The following IL1RAPL2 variants were observed in gnomAD, a reference collection of about 807,000 sequenced individuals.
IL1RAPL2 encodes the protein X-linked interleukin-1 receptor accessory protein-like 2.
IL1RAPL2 carries 3 observed loss-of-function variants against 44.1 expected under a neutral mutation model. That is an observed-to-expected ratio of 0.07 (90% confidence interval 0.03 to 0.18). The LOEUF (loss-of-function observed/expected upper bound fraction) is 0.18, where lower values mean the gene tolerates loss of function less well. IL1RAPL2 is among the 10% of genes least tolerant of loss of function. IL1RAPL2 has a pLI of 1.00. For synonymous variants in IL1RAPL2, 181 were observed against 178.8 expected (o/e 1.01, Z -0.10); for missense variants, 391 against 496.4 (o/e 0.79, Z 2.02).
intron 6 of IL1RAPL2, among the ~76,000 whole-genome samples, chrX:105,571,303 CT>C (rs2037012886): frequency 9.0e-6 from 1 of 111,307 alleles, no homozygotes; most frequent in Non-Finnish European, 1.9e-5. Context: ...AATTATAAGT[CT>C]TTTTGATAGC....
chrX:105,162,257 G>A (rs1200120331), intron 2 of IL1RAPL2, among the ~76,000 whole-genome samples: 2 of 112,004 alleles, frequency 1.8e-5, no homozygotes, highest in Non-Finnish European at 3.8e-5. Flanking sequence ...CATGACTGCT[G>A]TGAGGAAGAA....
intron 5 of IL1RAPL2, among the ~76,000 whole-genome samples, chrX:105,462,736 A>G (rs1025172385): frequency 9.0e-6 from 1 of 111,154 alleles, no homozygotes; most frequent in Non-Finnish European, 1.9e-5. Context: ...AGTTGTTTTT[A>G]ACATCAATGC....
intron 3 of IL1RAPL2, among the ~76,000 whole-genome samples, chrX:105,201,099 C>G (rs887758533): frequency 3.5e-4 from 39 of 111,611 alleles, no homozygotes; most frequent in African/African-American, 1.0e-3. Context: ...AGCATAATCC[C>G]AATATTTTTG....
chrX:104,822,565 G>T (rs183659939), intron 2 of IL1RAPL2, among the ~76,000 whole-genome samples: 3 of 111,988 alleles, frequency 2.7e-5, no homozygotes. Context: ...TTGTAGATGT[G>T]TGGTGTTATT....
intron 2 of IL1RAPL2, among the ~76,000 whole-genome samples, chrX:104,948,109 G>T (rs1925444605): frequency 9.3e-6 from 1 of 107,400 alleles, no homozygotes; most frequent in African/African-American, 3.4e-5. Context: ...GTGGTTTGTA[G>T]TTCTCCTTGA....
chrX:104,808,813 T>G (rs939495867), intron 2 of IL1RAPL2, among the ~76,000 whole-genome samples: 3 of 111,506 alleles, frequency 2.7e-5, no homozygotes, highest in African/African-American at 9.8e-5. Flanking sequence ...ACGCTGGCAG[T>G]TAGATATTTA....
chrX:105,036,402 G>A (rs925643003), intron 2 of IL1RAPL2, among the ~76,000 whole-genome samples: 3 of 111,835 alleles, frequency 2.7e-5, no homozygotes, highest in Non-Finnish European at 1.9e-5. Context: ...CTGGCTCATG[G>A]ATCAATCTCT....
At chrX:105,339,887 A>T (rs1201168982) in intron 5 of IL1RAPL2, among the ~76,000 whole-genome samples, 1 of 112,038 alleles carries the variant, frequency 8.9e-6, no homozygotes, top group Non-Finnish European at 1.9e-5. Context: ...CAGGAAATAA[A>T]GGAGTGCATT....
intron 6 of IL1RAPL2, among the ~76,000 whole-genome samples, chrX:105,531,015 A>T (rs2036631360): frequency 9.0e-6 from 1 of 111,718 alleles, no homozygotes; most frequent in Non-Finnish European, 1.9e-5. Flanking sequence ...AATCTTAGCT[A>T]TTGTGAACAG....
At chrX:104,938,542 G>A (rs1925081943) in intron 2 of IL1RAPL2, among the ~76,000 whole-genome samples, 1 of 111,244 alleles carries the variant, frequency 9.0e-6, no homozygotes, top group South Asian at 3.8e-4. Context: ...TGATAAAAAT[G>A]ACTTTGCTTC....
chrX:105,093,194 AACAC>A (rs748741070), intron 2 of IL1RAPL2, among the ~76,000 whole-genome samples: 4,194 of 107,087 alleles, frequency 0.039, 165 homozygotes, highest in African/African-American at 0.11. Flanking sequence ...CACACACAGA[AACAC>A]ACACACACAC....
At chrX:105,550,820 T>C (rs776334887) in intron 6 of IL1RAPL2, among the ~76,000 whole-genome samples, 1 of 111,759 alleles carries the variant, frequency 8.9e-6, no homozygotes, top group Non-Finnish European at 1.9e-5. Context: ...TGGTTGTCTC[T>C]ATAATGGGAT....
chrX:104,724,013 T>C (rs1194287825), intron 2 of IL1RAPL2, among the ~76,000 whole-genome samples: 1 of 111,580 alleles, frequency 9.0e-6, no homozygotes, highest in Non-Finnish European at 1.9e-5. Context: ...GAATTAGACA[T>C]AGCAGAATAG....
At chrX:105,590,069 T>C (rs987333715) in intron 6 of IL1RAPL2, among the ~76,000 whole-genome samples, 21 of 111,752 alleles carry the variant, frequency 1.9e-4, no homozygotes, top group Middle Eastern at 4.6e-3. Flanking sequence ...TGTTTTATAA[T>C]TCTCATTGTA....
chrX:105,141,733 A>G (rs753424677), intron 2 of IL1RAPL2, among the ~76,000 whole-genome samples: 1 of 112,178 alleles, frequency 8.9e-6, no homozygotes, highest in Non-Finnish European at 1.9e-5. Flanking sequence ...GTGGCATCAA[A>G]TGAATCTTAA....
At chrX:105,158,199 T>C (rs1339097090) in intron 2 of IL1RAPL2, among the ~76,000 whole-genome samples, 1 of 57,867 alleles carries the variant, frequency 1.7e-5, no homozygotes, top group Non-Finnish European at 3.1e-5. Context: ...CTACTAAAAA[T>C]ACAAAAAAAT....
At chrX:105,094,080 A>G (rs2032576365) in intron 2 of IL1RAPL2, among the ~76,000 whole-genome samples, 1 of 111,528 alleles carries the variant, frequency 9.0e-6, no homozygotes, top group African/African-American at 3.3e-5. Context: ...ATGTGAGTAA[A>G]GCTTTGTTAT....
At chrX:105,301,315 A>C (rs2147674672) in intron 5 of IL1RAPL2, among the ~76,000 whole-genome samples, 1 of 111,752 alleles carries the variant, frequency 8.9e-6, no homozygotes, top group African/African-American at 3.2e-5. Context: ...GCAGTATATG[A>C]GATATTTTGA....
chrX:105,335,882 A>G (rs2035024633), intron 5 of IL1RAPL2, among the ~76,000 whole-genome samples: 1 of 111,644 alleles, frequency 9.0e-6, no homozygotes. Context: ...TACCCAACAA[A>G]AACCATGGGT....
Sources: allele counts gnomAD v4.1 joint callset (sites outside exome capture counted in the v4.1 genomes callset), GRCh38; gene constraint gnomAD v4.1.1; transcripts MANE v1.5; gene names NCBI Gene and HGNC (gene_info 2026-07-23, HGNC 2026-07-21).